Variants in GIMAP1 observed in about 807,000 individuals in gnomAD.
GIMAP1 encodes the protein GTPase IMAP family member 1.
For missense variants in GIMAP1, 423 were observed against 411.9 expected, an observed-to-expected ratio of 1.03 and a Z score of -0.23; for synonymous variants, 230 against 187.7, an observed-to-expected ratio of 1.23 and a Z score of -1.84.
chr7:150,719,512 G>A (rs1200948779), intron 2 of GIMAP1: 4 of 167,704 alleles, frequency 2.4e-5, no homozygotes, highest in Non-Finnish European at 5.1e-5. Flanking sequence ...AGAGAAGAAG[G>A]AAAGAGGGCT....
Position 150,720,236 on chromosome 7 carries a change from G to T in GIMAP1, c.232G>T (p.Val78Leu). The T allele has an allele frequency of 1.2e-6, 2 of 1,614,184 alleles. No individual in the cohort carries two copies. Among genetic ancestry groups the T allele is most frequent in the African/African-American group, 1.3e-5 (1 of 75,056 alleles). ...TGSRRWDKCH[V>L]EVVDTPDIFS... is the part of the protein sequence containing the mutation. ...CAGCCGCAGGTGGGACAAGTGCCACGTGGAAGTCGTGGACACTCCGGACAT... is the reference window on the plus strand; with the variant it reads ...CAGCCGCAGGTGGGACAAGTGCCACTTGGAAGTCGTGGACACTCCGGACAT... The change falls in exon 3 of 3, where the codon GTG becomes TTG. Residue 78 changes from valine (V) to leucine (L), a missense_variant. Transcript: ENST00000307194. The surrounding 1 kb of genome is among the most constrained non-coding windows in gnomAD (Gnocchi z 4.5).
Position 150,718,098 on chromosome 7 carries a change from G to GAA in GIMAP1, c.-6-942_-6-941dup, listed in dbSNP as rs140292110. 4.7e-3 allele frequency among the ~76,000 whole-genome samples: 719 copies of GAA among 152,276 alleles called. 3 individuals are homozygous for GAA. The highest frequency in any genetic ancestry group is 6.6e-3 in the Non-Finnish European group (449 of 68,026). ...CTAGGAGGGGAAGCCGAGTGGGTTG[G>GAA]AAAGGCCCTGAAATCTGCTGATTGT... is the stretch of plus-strand genomic sequence containing the variant. On this transcript the variant is annotated intron_variant, in intron 1 of 2. Coordinates refer to ENST00000307194, the MANE Select transcript of GIMAP1 (RefSeq NM_130759.4).
rs937763624 is a variant in GIMAP1, at chr7:150,720,254, C to T, written c.250C>T (p.Pro84Ser). 1 of 1,614,080 alleles carries T rather than the reference C, an allele frequency of 6.2e-7. No individual in the cohort carries two copies. The highest frequency in any genetic ancestry group is 1.3e-5 in the African/African-American group (1 of 74,936). The change falls in exon 3 of 3, where the codon CCG (proline) becomes TCG (serine). Residue 84 changes from proline (P) to serine (S), a missense_variant. Transcript: ENST00000307194. This position sits in a 1 kb window ranked among gnomAD's most constrained non-coding sequence, Gnocchi z 4.5. ...DKCHVEVVDT[P>S]DIFSSQVSKT... ...GTGCCACGTGGAAGTCGTGGACACT[C>T]CGGACATTTTCAGCTCCCAAGTGTC...
At chr7:150,717,376 T>C (rs1039275406) in intron 1 of GIMAP1, among the ~76,000 whole-genome samples, 2 of 152,186 alleles carry the variant, frequency 1.3e-5, no homozygotes, top group Non-Finnish European at 2.9e-5. Flanking sequence ...TCAGGATGGA[T>C]CCAAGAGATG....
chr7:150,722,932 T>G lies in GIMAP1; in HGVS notation c.*2007T>G, dbSNP rs1174818540. ...TGGTGAGTGTGTTTTATGGAGAGAC[T>G]CTTTCACCTCTTCCCTTTCAGCTTG... On this transcript the variant is annotated 3_prime_UTR_variant, in exon 3 of 3. Transcript: ENST00000307194. 6.6e-6 allele frequency: 1 copy of G among 152,216 alleles called. No individual in the cohort carries two copies. The highest frequency in any genetic ancestry group is 2.4e-5 in the African/African-American group (1 of 41,464). The allele number at this position is 152,216 out of a possible 1,614,324, so 9.4% of individuals were successfully genotyped here.
chr7:150,722,869 C>G lies in GIMAP1; in HGVS notation c.*1944C>G, dbSNP rs538772843. 1 of 152,360 alleles carries G rather than the reference C, an allele frequency of 6.6e-6. No individual in the cohort carries two copies. Among genetic ancestry groups the G allele is most frequent in the African/African-American group, 2.4e-5 (1 of 41,578 alleles). 9.4% of individuals were successfully genotyped at this position (152,360 alleles called of 1,614,324 possible). ...TTGCTATGGAAAGGAGCCAAAACTT[C>G]CAGCTGTTGCCTTAGCAATGGTAAC... On this transcript the variant is annotated 3_prime_UTR_variant, in exon 3 of 3. Transcript: ENST00000307194.
Position 150,721,456 on chromosome 7 carries a change from T to G in GIMAP1, c.*531T>G, listed in dbSNP as rs1797301746. On this transcript the variant is annotated 3_prime_UTR_variant, in exon 3 of 3. Transcript: ENST00000307194. ...AAAAAGATGAATGTAACTGTACTGTTACAAAGTGGAAAATAACAGTTTCCA... is the reference window on the plus strand; with the variant it reads ...AAAAAGATGAATGTAACTGTACTGTGACAAAGTGGAAAATAACAGTTTCCA... The G allele has an allele frequency of 6.6e-6, 1 of 152,296 alleles. No individual in the cohort carries two copies. Among genetic ancestry groups the G allele is most frequent in the African/African-American group, 2.4e-5 (1 of 41,454 alleles). 9.4% of individuals were successfully genotyped at this position (152,296 alleles called of 1,614,324 possible).
intron 1 of GIMAP1, among the ~76,000 whole-genome samples, chr7:150,718,442 G>T (rs1045454340): frequency 2.4e-4 from 36 of 152,134 alleles, no homozygotes; most frequent in African/African-American, 8.7e-4. Context: ...ATTTCCAAAA[G>T]AAAAATCCCA....
In GIMAP1 at chr7:150,720,489, T is replaced by C. The variant is rs750672448; in HGVS notation, c.485T>C (p.Leu162Pro). 2 of 1,579,744 alleles carry C rather than the reference T, an allele frequency of 1.3e-6. No individual in the cohort carries two copies. The highest frequency in any genetic ancestry group is 2.4e-5 in the South Asian group (2 of 84,718). The change falls in exon 3 of 3, where the codon CTG (leucine) becomes CCG (proline). Residue 162 changes from leucine (L) to proline (P), a missense_variant. By Grantham distance (98) the Leu-to-Pro change is moderately conservative. Transcript: ENST00000307194. This position sits in a 1 kb window ranked among gnomAD's most constrained non-coding sequence, Gnocchi z 4.5. ...TRKEDLAGGS[L>P]HDYVSNTENR... ...AAGGAGGACCTGGCCGGGGGCTCCC[T>C]GCACGATTACGTGAGCAACACAGAG...
Position 150,719,122 on chromosome 7 carries a change from C to G in GIMAP1, c.43+32C>G, listed in dbSNP as rs771058146. 16 of 1,613,720 alleles carry G rather than the reference C, an allele frequency of 9.9e-6. No homozygotes were observed. In the African/African-American group the frequency reaches 1.3e-4, roughly 13 times the overall value. On this transcript the variant is annotated intron_variant, in intron 2 of 2. Coordinates refer to ENST00000307194, the MANE Select transcript of GIMAP1 (RefSeq NM_130759.4). ...CCATATCTCTACACCTCATACTTGC[C>G]CCCCTAGGCTTGAACTTAGGGTAAT...
At chr7:150,719,226 C>A in intron 2 of GIMAP1, 136 bp downstream of exon 2, 3 of 1,066,478 alleles carry the variant, frequency 2.8e-6, no homozygotes, top group Non-Finnish European at 4.1e-6. Flanking sequence ...ACAGCACCAG[C>A]CCTGAGATCT....
rs150805299 is a variant in GIMAP1 at position 150,720,901 on chromosome 7, C to T, written c.897C>T (p.Ala299=). Residue 299 remains alanine (A), a synonymous_variant, in exon 3 of 3, where the codon GCC becomes GCT. Transcript: ENST00000307194. The surrounding 1 kb of genome is among the most constrained non-coding windows in gnomAD (Gnocchi z 4.5). ...WVLLHRRWSE[A]VAEVGPD is the part of the protein sequence containing the mutation. ...TGCTCCACAGGCGGTGGTCGGAGGC[C>T]GTTGCGGAGGTCGGGCCTGACTGAC... The T allele has an allele frequency of 6.1e-4, 968 of 1,583,814 alleles. 6 individuals are homozygous for T. The African/African-American group carries it at 0.012, about 19-fold the overall frequency.
At chr7:150,717,748 T>C (rs1254215414) in intron 1 of GIMAP1, among the ~76,000 whole-genome samples, 1 of 152,218 alleles carries the variant, frequency 6.6e-6, no homozygotes, top group Non-Finnish European at 1.5e-5. Context: ...TCTGCTTTGA[T>C]GTCATTTATG....
chr7:150,717,793 T>C (rs1003205366), intron 1 of GIMAP1, among the ~76,000 whole-genome samples: 1 of 152,198 alleles, frequency 6.6e-6, no homozygotes, highest in Non-Finnish European at 1.5e-5. Context: ...AAATAATTAA[T>C]CACATAAGGC....
At position 150,721,956 on chromosome 7, in the gene GIMAP1, A is replaced by C. The variant is rs954345761; in HGVS notation, c.*1031A>C. 2 of 152,146 alleles carry C rather than the reference A, an allele frequency of 1.3e-5. No homozygotes were observed. Among genetic ancestry groups the C allele is most frequent in the African/African-American group, 4.8e-5 (2 of 41,336 alleles). The allele number at this position is 152,146 out of a possible 1,614,324, so 9.4% of individuals were successfully genotyped here. On this transcript the variant is annotated 3_prime_UTR_variant, in exon 3 of 3. Coordinates refer to ENST00000307194, the MANE Select transcript of GIMAP1 (RefSeq NM_130759.4). ...GAGCTCCTCTCTGGTTATGGAGAAG[A>C]GGCAGAGCACCAGGTGCATAGGCTG...
At position 150,722,417 on chromosome 7, in the gene GIMAP1, C is replaced by CT. The variant is rs1312962624; in HGVS notation, c.*1494dup. On this transcript the variant is annotated 3_prime_UTR_variant, in exon 3 of 3. Transcript: ENST00000307194. ...GGCTATGGTGAGGGGTCCTGAGGGC[C>CT]TTGGTGACCGCTGCAGGGAGTTGGA... 1 of 152,588 alleles carries CT rather than the reference C, an allele frequency of 6.6e-6. No homozygotes were observed. Among genetic ancestry groups the CT allele is most frequent in the Admixed American group, 6.5e-5 (1 of 15,286 alleles). 9.5% of individuals were successfully genotyped at this position (152,588 alleles called of 1,614,324 possible).
In GIMAP1 at chr7:150,721,971, T is replaced by C. The variant is rs1797312241; in HGVS notation, c.*1046T>C. On this transcript the variant is annotated 3_prime_UTR_variant, in exon 3 of 3. Transcript: ENST00000307194. ...TATGGAGAAGAGGCAGAGCACCAGG[T>C]GCATAGGCTGAGACTGCAGACACCT... The C allele has an allele frequency of 6.6e-6, 1 of 152,000 alleles. No homozygotes were observed. Among genetic ancestry groups the C allele is most frequent in the Non-Finnish European group, 1.5e-5 (1 of 68,098 alleles). 9.4% of individuals were successfully genotyped at this position (152,000 alleles called of 1,614,324 possible).
intron 1 of GIMAP1, among the ~76,000 whole-genome samples, chr7:150,718,406 C>T (rs1286699823): frequency 6.6e-6 from 1 of 152,160 alleles, no homozygotes; most frequent in African/African-American, 2.4e-5. Context: ...TAGGGGCCCT[C>T]CAGATCTACT....
chr7:150,719,970 T>G, intron 2 of GIMAP1, 78 bp from the exon 3 acceptor site: 1 of 1,489,820 alleles, frequency 6.7e-7, no homozygotes, highest in East Asian at 2.3e-5. Context: ...TAACCACTTA[T>G]GCTAAAGGCA....
Sources: gnomAD v4.1 joint callset for allele counts (sites outside exome capture counted in the v4.1 genomes callset) on GRCh38, gnomAD v4.1.1 for gene constraint, Gnocchi (gnomAD v3.1) non-coding constraint, MANE v1.5 for transcripts, NCBI Gene and HGNC (gene_info 2026-07-23, HGNC 2026-07-21) for gene names.